ZC3HC1: variants seen among roughly 807,000 people sequenced by gnomAD.
ZC3HC1 encodes the protein zinc finger C3HC-type protein 1.
A neutral mutation model predicts 61.9 loss-of-function variants in ZC3HC1; 38 were observed. That is an observed-to-expected ratio of 0.61 (90% CI 0.47 to 0.81). The LOEUF (loss-of-function observed/expected upper bound fraction) is 0.81, where lower values mean the gene tolerates loss of function less well. Among genes scored for constraint, ZC3HC1 ranks in the 30% least tolerant of loss-of-function variants. The probability of loss-of-function intolerance (pLI) is 0.00; values close to 1 mark genes in which losing one functional copy is unlikely to be tolerated. For synonymous variants in ZC3HC1, 213 were observed against 229.9 expected (o/e 0.93, Z 0.67); for missense variants, 554 against 622.7 (o/e 0.89, Z 1.17).
In ZC3HC1 at chr7:130,022,485, T is replaced by C. The variant is rs1363862006; in HGVS notation, c.1274A>G (p.His425Arg). Residue 425 changes from histidine (H) to arginine (R), a missense_variant, in exon 9 of 10, where the codon CAT becomes CGT. Physicochemically the swap from His to Arg is conservative, Grantham distance 29. Transcript: ENST00000358303. ...SRSFFDPTSQ[H>R]RDWCPWVNIT... is the part of the protein sequence containing the mutation. ...ATTCACCCAAGGGCACCAGTCTCTA[T>C]GCTGAGAGGTGGGATCAAAGAAGCT... is the stretch of plus-strand genomic sequence containing the variant. 1 of 1,613,438 alleles carries C rather than the reference T, an allele frequency of 6.2e-7. No individual in the cohort carries two copies. Among genetic ancestry groups the C allele is most frequent in the Non-Finnish European group, 8.5e-7 (1 of 1,179,682 alleles).
In ZC3HC1 at chr7:130,045,614, CA is replaced by C. The variant is rs144454579; in HGVS notation, c.258+3418del. Reference sequence around the variant, plus strand: ...TGCTGCACTTTCCTTTATAAGACATCAACTGGGCCAGGTGCAGTGGCTCACG... The same window carrying C: ...TGCTGCACTTTCCTTTATAAGACATCACTGGGCCAGGTGCAGTGGCTCACG... On this transcript the variant is annotated intron_variant, in intron 2 of 9. Transcript: ENST00000358303. The C allele has an allele frequency of 0.021, 9,180 of 439,138 alleles. 966 individuals carry two copies. The East Asian group carries it at 0.34, about 16-fold the overall frequency. The allele number at this position is 439,138 out of a possible 1,614,324, so 27.2% of individuals were successfully genotyped here.
At chr7:130,041,228 C>T in intron 2 of ZC3HC1, 127 bp from the exon 3 acceptor site, 2 of 1,114,350 alleles carry the variant, frequency 1.8e-6, no homozygotes, top group Admixed American at 3.0e-5. Flanking sequence ...CACTCTGTCT[C>T]CCAGGCTGGA....
At position 130,024,414 on chromosome 7, in the gene ZC3HC1, G is replaced by A. The variant is rs1050344406; in HGVS notation, c.869C>T (p.Ser290Phe). The A allele has an allele frequency of 6.2e-7, 1 of 1,614,020 alleles. No homozygotes were observed. The highest frequency in any genetic ancestry group is 1.3e-5 in the African/African-American group (1 of 74,900). Reference protein sequence around the residue: ...GLWGFQQIESSMTDLDASFGL... With the variant: ...GLWGFQQIESFMTDLDASFGL... ...AAAGGATGCATCCAGGTCAGTCATG[G>A]ACGATTCAATCTGCTGGAAGCCCCA... Residue 290 changes from serine (S) to phenylalanine (F), a missense_variant, in exon 7 of 10, where the codon TCC becomes TTC. Ser to Phe is a radical substitution (Grantham distance 155). Transcript: ENST00000358303.
rs1242687668 is a variant in ZC3HC1 at position 130,039,561 on chromosome 7, A to C, written c.410-14T>G. 2 of 1,602,582 alleles carry C rather than the reference A, an allele frequency of 1.2e-6. No individual in the cohort carries two copies. Among genetic ancestry groups the C allele is most frequent in the Non-Finnish European group, 8.5e-7 (1 of 1,175,146 alleles). ...ATCGTTGCTTATCTGAAATCCACAT[A>C]AACAGCAACACCTTAAAAAACACTA... On this transcript the variant is annotated splice_polypyrimidine_tract_variant and intron_variant, in intron 3 of 9. Transcript: ENST00000358303.
intron 4 of ZC3HC1, 112 bp from the exon 5 acceptor site, chr7:130,029,141 C>A: frequency 1.6e-6 from 2 of 1,224,804 alleles, no homozygotes; most frequent in Non-Finnish European, 2.2e-6. Context: ...AAGGCCGAGG[C>A]GGGCGGATCA....
intron 1 of ZC3HC1, among the ~76,000 whole-genome samples, chr7:130,049,348 T>G (rs1794986459): frequency 6.6e-6 from 1 of 152,186 alleles, no homozygotes; most frequent in South Asian, 2.1e-4. Flanking sequence ...AATTTTTCAG[T>G]CTGGCATTCA....
At chr7:130,040,889 A>G in intron 3 of ZC3HC1, 62 bp downstream of exon 3, 3 of 1,448,590 alleles carry the variant, frequency 2.1e-6, no homozygotes, top group Non-Finnish European at 1.8e-6. Flanking sequence ...TTCCCCCCCC[A>G]GAAAACCAGG....
In ZC3HC1 at chr7:130,023,732, A is replaced by C. The variant is rs745340860; in HGVS notation, c.1021-9T>G. ...CCAGGGCTCTTTTCAGCCTGAAGGA[A>C]AGGGGAGATAATGGAAGTACACGAA... On this transcript the variant is annotated splice_polypyrimidine_tract_variant and intron_variant, in intron 7 of 9. Transcript: ENST00000358303. This position sits in a 1 kb window ranked among gnomAD's most constrained non-coding sequence, Gnocchi z 4.2. 1.9e-6 allele frequency: 3 copies of C among 1,605,646 alleles called. No individual in the cohort carries two copies. Among genetic ancestry groups the C allele is most frequent in the African/African-American group, 2.7e-5 (2 of 74,754 alleles).
intron 2 of ZC3HC1, chr7:130,043,769 G>A (rs936765795): frequency 9.2e-6 from 4 of 433,084 alleles, no homozygotes; most frequent in Admixed American, 8.2e-5. Context: ...CTTGCGGGCA[G>A]CCAAGTGTGG....
At chr7:130,019,165 T>C (rs906357369) in intron 9 of ZC3HC1, among the ~76,000 whole-genome samples, 2 of 150,912 alleles carry the variant, frequency 1.3e-5, no homozygotes, top group Non-Finnish European at 2.9e-5. Context: ...GCCATTCTCC[T>C]GCCTCACCCA....
At position 130,040,090 on chromosome 7, in the gene ZC3HC1, TAGA is replaced by T. The variant is rs1403591977; in HGVS notation, c.410-546_410-544del. On this transcript the variant is annotated intron_variant, in intron 3 of 9. Coordinates refer to ENST00000358303, the MANE Select transcript of ZC3HC1 (RefSeq NM_016478.5). ...TAAAAGTCCTTTGTCACTCTTCGTC[TAGA>T]AGTATACATTTTGGAATAATAAAGT... 3.4e-5 allele frequency among the ~76,000 whole-genome samples: 5 copies of T among 149,226 alleles called. No homozygotes were observed. The Admixed American group carries it at 3.4e-4, about 10-fold the overall frequency.
At chr7:130,051,399 T>A (rs1387527927), upstream of ZC3HC1, 1 of 1,610,622 alleles carries the variant, frequency 6.2e-7, no homozygotes, top group Non-Finnish European at 8.5e-7. Context: ...TCCCCGAGAG[T>A]TTGAAGGCTC....
chr7:130,026,329 T>A lies in ZC3HC1; in HGVS notation c.622-17A>T. ...TGTCAAGCACTACAAGGGAGCCAAG[T>A]AAAAAACTTCGTTTCAACCACCATA... On this transcript the variant is annotated splice_polypyrimidine_tract_variant and intron_variant, in intron 5 of 9. Transcript: ENST00000358303. 6.3e-7 allele frequency: 1 copy of A among 1,592,996 alleles called. No individual in the cohort carries two copies. Among genetic ancestry groups the A allele is most frequent in the Non-Finnish European group, 8.6e-7 (1 of 1,166,332 alleles).
intron 1 of ZC3HC1, among the ~76,000 whole-genome samples, chr7:130,049,690 G>A (rs1173821248): frequency 2.0e-5 from 3 of 151,840 alleles, no homozygotes; most frequent in Non-Finnish European, 2.9e-5. Context: ...GATTACAGGC[G>A]CGTACCACCA....
chr7:130,044,217 T>C (rs1794786372), intron 2 of ZC3HC1, among the ~76,000 whole-genome samples: 1 of 152,180 alleles, frequency 6.6e-6, no homozygotes, highest in South Asian at 2.1e-4. Context: ...AGAGACAGGA[T>C]CTTGCTATGT....
intron 4 of ZC3HC1, among the ~76,000 whole-genome samples, chr7:130,032,000 C>T (rs1012694169): frequency 3.3e-5 from 5 of 152,174 alleles, no homozygotes; most frequent in East Asian, 3.9e-4. Context: ...CCGAGGTGGG[C>T]GGATCACGAG....
intron 2 of ZC3HC1, chr7:130,043,774 G>C (rs1794767308): frequency 2.3e-6 from 1 of 438,422 alleles, no homozygotes; most frequent in African/African-American, 2.0e-5. Flanking sequence ...GGGCAGCCAA[G>C]TGTGGAGTGC....
intron 2 of ZC3HC1, 101 bp from the exon 3 acceptor site, chr7:130,041,202 T>C (rs1794657009): frequency 7.3e-7 from 1 of 1,378,912 alleles, no homozygotes; most frequent in African/African-American, 1.5e-5. Flanking sequence ...TTTTTTTTGT[T>C]TTTGAGAAAA....
intron 4 of ZC3HC1, among the ~76,000 whole-genome samples, chr7:130,032,034 G>T (rs965606958): frequency 2.0e-5 from 3 of 152,076 alleles, no homozygotes; most frequent in African/African-American, 4.8e-5. Context: ...GACCAGCCTG[G>T]CCAACATGGT....
Sources: gnomAD v4.1 joint callset for allele counts (sites outside exome capture counted in the v4.1 genomes callset) on GRCh38, gnomAD v4.1.1 for gene constraint, Gnocchi (gnomAD v3.1) non-coding constraint, MANE v1.5 for transcripts, NCBI Gene and HGNC (gene_info 2026-07-23, HGNC 2026-07-21) for gene names.